The following YARS1 variants were observed in gnomAD, a reference collection of about 807,000 sequenced individuals.
The protein encoded by YARS1 is tyrosyl-tRNA synthetase 1.
YARS1 carries 36 observed loss-of-function variants against 62.2 expected under a neutral mutation model. That is an observed-to-expected ratio of 0.58 (90% CI 0.44 to 0.76). The LOEUF (loss-of-function observed/expected upper bound fraction) is 0.76, where lower values mean the gene tolerates loss of function less well. Ranked by LOEUF, YARS1 falls within the 30% of genes least tolerant of loss-of-function variation. YARS1 has a pLI of 0.00. For synonymous variants in YARS1, 234 were observed against 244.9 expected (o/e 0.96, Z 0.42); for missense variants, 524 against 639.8 (o/e 0.82, Z 1.95).
intron 10 of YARS1, 21 bp from the exon 11 acceptor site, chr1:32,780,299 G>A (rs1653011717): frequency 6.2e-7 from 1 of 1,613,652 alleles, no homozygotes. Flanking sequence ...GAGACGTCAG[G>A]AGGAAGAGGA....
chr1:32,807,922 G>C (rs1175679225), intron 3 of YARS1, among the ~76,000 whole-genome samples: 1 of 151,406 alleles, frequency 6.6e-6, no homozygotes, highest in Non-Finnish European at 1.5e-5. Flanking sequence ...ATGTTTTTTT[G>C]TTTTTGAGAC....
chr1:32,816,352 C>G (rs529976584), intron 1 of YARS1, among the ~76,000 whole-genome samples: 1 of 152,090 alleles, frequency 6.6e-6, no homozygotes, highest in Non-Finnish European at 1.5e-5. Context: ...CTGCCTACCT[C>G]TCTTAAACAA....
intron 1 of YARS1, among the ~76,000 whole-genome samples, chr1:32,812,029 A>T (rs764863598): frequency 2.0e-4 from 30 of 149,428 alleles, no homozygotes; most frequent in Admixed American, 3.3e-4. Flanking sequence ...ATATTTATTC[A>T]TTTTTTTTTT....
intron 6 of YARS1, 196 bp downstream of exon 6, chr1:32,790,966 A>C: frequency 1.7e-6 from 1 of 593,204 alleles, no homozygotes; most frequent in Non-Finnish European, 3.0e-6. Context: ...AAAACCATTA[A>C]GTTATGATTA....
chr1:32,805,658 A>G (rs776927336), intron 4 of YARS1, among the ~76,000 whole-genome samples: 11 of 152,156 alleles, frequency 7.2e-5, no homozygotes, highest in Non-Finnish European at 1.3e-4. Context: ...TTCTAGGTGT[A>G]GATTTAAAGT....
At chr1:32,811,802 A>G (rs889022918) in intron 1 of YARS1, among the ~76,000 whole-genome samples, 1 of 151,230 alleles carries the variant, frequency 6.6e-6, no homozygotes, top group Non-Finnish European at 1.5e-5. Context: ...TGCTGCTAGT[A>G]TCACCCTTGA....
rs535235401 is a variant in YARS1, at chr1:32,785,395, A to C, written c.906+967T>G. 1.6e-3 allele frequency among the ~76,000 whole-genome samples: 234 copies of C among 149,084 alleles called. 1 individual carries two copies. The highest frequency in any genetic ancestry group is 0.011 in the Admixed American group (170 of 14,984). ...AGAATCGCTTGAACCTGGGAGGCGG[A>C]GGTTGCAGTGAGCCGAGATCGTGCC... On this transcript the variant is annotated intron_variant, in intron 8 of 12. Transcript: ENST00000373477.
intron 4 of YARS1, among the ~76,000 whole-genome samples, chr1:32,798,962 G>C (rs60246059): frequency 0.14 from 20,884 of 152,170 alleles, 1,788 homozygotes; most frequent in South Asian, 0.23. Context: ...ATCCAGCTGG[G>C]GAGAGACATG....
rs1652981646 is a variant in YARS1, at chr1:32,779,391, C to T, written c.1467G>A (p.Glu489=). 5 of 1,614,232 alleles carry T rather than the reference C, an allele frequency of 3.1e-6. No individual in the cohort carries two copies. The highest frequency in any genetic ancestry group is 4.2e-6 in the Non-Finnish European group (5 of 1,180,052). The change falls in exon 12 of 13, where the codon GAG becomes GAA. Residue 489 remains glutamate, a synonymous_variant. Transcript: ENST00000373477. ...AATTACAGCTTTTTACCTGCAACTT[C>T]TCGAAGACTTTCTTCTTGGGCTTGA... ...EELKPKKKVF[E]KLQADFKISE...
At chr1:32,816,024 G>A (rs1339352048) in intron 1 of YARS1, among the ~76,000 whole-genome samples, 1 of 151,460 alleles carries the variant, frequency 6.6e-6, no homozygotes, top group Admixed American at 6.6e-5. Flanking sequence ...CAGGAGAATG[G>A]CGTGAACCTG....
intron 4 of YARS1, among the ~76,000 whole-genome samples, chr1:32,801,639 A>G (rs1430445049): frequency 2.0e-5 from 3 of 152,154 alleles, no homozygotes; most frequent in Non-Finnish European, 4.4e-5. Flanking sequence ...CGAAAGATTT[A>G]TCTGGTGCAG....
chr1:32,813,906 G>C (rs564315090), intron 1 of YARS1, among the ~76,000 whole-genome samples: 1 of 151,432 alleles, frequency 6.6e-6, no homozygotes, highest in Non-Finnish European at 1.5e-5. Flanking sequence ...AGTTTTCCTC[G>C]TCTCTGCCTG....
At chr1:32,807,657 C>T (rs916797159) in intron 3 of YARS1, among the ~76,000 whole-genome samples, 1 of 152,014 alleles carries the variant, frequency 6.6e-6, no homozygotes, top group African/African-American at 2.4e-5. Context: ...GTGGTTTCCC[C>T]CCATTGCCCA....
At chr1:32,797,942 C>T (rs932644857) in intron 4 of YARS1, 99 bp from the exon 5 acceptor site, 9 of 969,086 alleles carry the variant, frequency 9.3e-6, no homozygotes, top group Non-Finnish European at 1.3e-5. Context: ...GTGATCTCGG[C>T]TCACTGCCAC....
In YARS1 at chr1:32,798,601, C is replaced by T. The variant is rs143418008; in HGVS notation, c.511-758G>A. 4.9e-3 allele frequency among the ~76,000 whole-genome samples: 751 copies of T among 152,240 alleles called. 8 individuals are homozygous for T. Among genetic ancestry groups the T allele is most frequent in the African/African-American group, 0.017 (708 of 41,542 alleles). ...CCTGTAATCCCAGCACTTTGGGAGG[C>T]TGAGGTGGAAAGATCACTTGAGCCC... On this transcript the variant is annotated intron_variant, in intron 4 of 12. Transcript: ENST00000373477.
intron 1 of YARS1, among the ~76,000 whole-genome samples, chr1:32,815,668 AC>A (rs1638696548): frequency 6.6e-6 from 1 of 152,258 alleles, no homozygotes. Context: ...AAAGTCAGAC[AC>A]AACAAACATA....
Position 32,811,195 on chromosome 1 carries a change from A to C in YARS1, c.58-138T>G, listed in dbSNP as rs1638577285. On this transcript the variant is annotated intron_variant, in intron 1 of 12. Transcript: ENST00000373477. Reference sequence around the variant, plus strand: ...ATCAAGGAGGTCCAGCCATGTTCTCAGTGCAGATGTGATACCCTACCTTGT... The same window carrying C: ...ATCAAGGAGGTCCAGCCATGTTCTCCGTGCAGATGTGATACCCTACCTTGT... 5.5e-6 allele frequency: 7 copies of C among 1,268,762 alleles called. No homozygotes were observed. In the Admixed American group the frequency reaches 6.7e-5, roughly 12 times the overall value. The allele number at this position is 1,268,762 out of a possible 1,614,324, so 78.6% of individuals were successfully genotyped here. A position where few individuals can be genotyped will look rare whatever the true frequency, so the allele number is the denominator to read the frequency against.
chr1:32,795,805 C>CAAA (rs200173836), intron 5 of YARS1, among the ~76,000 whole-genome samples: 22 of 74,484 alleles, frequency 3.0e-4, no homozygotes, highest in African/African-American at 8.7e-4. Flanking sequence ...GACTCCCTCT[C>CAAA]AAAAAAAAAA....
chr1:32,814,537 C>T (rs1230032663), intron 1 of YARS1, among the ~76,000 whole-genome samples: 1 of 152,134 alleles, frequency 6.6e-6, no homozygotes, highest in Admixed American at 6.6e-5. Flanking sequence ...TTACAGGTGC[C>T]CGCCACCAGG....
Sources: gnomAD v4.1 joint callset for allele counts (sites outside exome capture counted in the v4.1 genomes callset) on GRCh38, gnomAD v4.1.1 for gene constraint, MANE v1.5 for transcripts, NCBI Gene and HGNC (gene_info 2026-07-23, HGNC 2026-07-21) for gene names.